The following C10orf71 variants were observed in gnomAD, a reference collection of about 807,000 sequenced individuals.
C10orf71 encodes the protein chromosome 10 open reading frame 71.
For synonymous variants in C10orf71, 758 were observed against 726.3 expected (o/e 1.04, Z -0.70); for missense variants, 1,869 against 1,804.5 (o/e 1.04, Z -0.65).
rs1160580203 is a variant in C10orf71 at position 49,324,316 on chromosome 10, CTT to C, written c.1772_1773del (p.Leu591GlnfsTer19). ...SEPSADSYLT[L>X]STAPTIAKAP... Reference sequence around the variant, plus strand: ...GCCCTCTGCAGACAGCTATCTAACTCTTAGCACAGCTCCGACTATCGCCAAAG... The same window carrying C: ...GCCCTCTGCAGACAGCTATCTAACTCAGCACAGCTCCGACTATCGCCAAAG... On this transcript the variant is annotated frameshift_variant, in exon 3 of 3. Coordinates refer to ENST00000374144, the MANE Select transcript of C10orf71 (RefSeq NM_001135196.2). LOFTEE classifies it low-confidence loss of function (END_TRUNC). 1.9e-6 allele frequency: 3 copies of C among 1,613,838 alleles called. No individual in the cohort carries two copies. Among genetic ancestry groups the C allele is most frequent in the Non-Finnish European group, 2.5e-6 (3 of 1,179,896 alleles).
chr10:49,326,924 AACACACACACACAC>A lies in C10orf71; in HGVS notation c.*96_*109del. On this transcript the variant is annotated 3_prime_UTR_variant, in exon 3 of 3. Transcript: ENST00000374144. ...TACTTCCCCCTCCCCCAAAACAAGC[AACACACACACACAC>A]ACACACACACACACACACACACACG... 125 of 1,046,572 alleles carry A rather than the reference AACACACACACACAC, an allele frequency of 1.2e-4. No individual in the cohort carries two copies. Among genetic ancestry groups the A allele is most frequent in the Non-Finnish European group, 1.5e-4 (117 of 793,414 alleles). The allele number at this position is 1,046,572 out of a possible 1,614,324, so 64.8% of individuals were successfully genotyped here. A position where few individuals can be genotyped will look rare whatever the true frequency, so the allele number is the denominator to read the frequency against.
chr10:49,325,281 C>A lies in C10orf71; in HGVS notation c.2736C>A (p.Asp912Glu), dbSNP rs1849202526. 6.4e-7 allele frequency: 1 copy of A among 1,551,660 alleles called. No homozygotes were observed. The highest frequency in any genetic ancestry group is 2.0e-5 in the Admixed American group (1 of 50,990). Residue 912 changes from aspartate (D) to glutamate (E), a missense_variant, in exon 3 of 3, where the codon GAC becomes GAA. Asp to Glu is a conservative substitution (Grantham distance 45). Coordinates refer to ENST00000374144, the MANE Select transcript of C10orf71 (RefSeq NM_001135196.2). The stretch of plus-strand genomic sequence containing the variant: ...GGTTTTGTGCCCCCGAAAACCAGGA[C>A]ATTCTTGGTACATCGACACCCACTA... ...DPGFCAPENQDILGTSTPTNT... is the reference protein window; with the variant it reads ...DPGFCAPENQEILGTSTPTNT...
rs759555446 is a variant in C10orf71, at chr10:49,316,168, T to A, written c.-224T>A. ...AGATGGGCAGTGATGACACCAAATATAAGCATAAAAAGACGTTTTAAAACT... is the reference window on the plus strand; with the variant it reads ...AGATGGGCAGTGATGACACCAAATAAAAGCATAAAAAGACGTTTTAAAACT... On this transcript the variant is annotated 5_prime_UTR_variant, in exon 2 of 3. An upstream open reading frame in the 5' UTR gains an earlier in-frame stop. Transcript: ENST00000374144. The A allele has an allele frequency of 5.9e-5, 9 of 152,178 alleles. No homozygotes were observed. The highest frequency in any genetic ancestry group is 1.3e-4 in the Non-Finnish European group (9 of 68,022). 9.4% of individuals were successfully genotyped at this position (152,178 alleles called of 1,614,324 possible). A position where few individuals can be genotyped will look rare whatever the true frequency, so the allele number is the denominator to read the frequency against.
chr10:49,321,425 G>A (rs1026231499), intron 2 of C10orf71, among the ~76,000 whole-genome samples: 2 of 152,080 alleles, frequency 1.3e-5, no homozygotes, highest in African/African-American at 4.8e-5. Flanking sequence ...TAATTCCATT[G>A]TATGCATATA....
chr10:49,300,007 G>C (rs2132392259), intron 1 of C10orf71, among the ~76,000 whole-genome samples: 1 of 152,360 alleles, frequency 6.6e-6, no homozygotes, highest in Middle Eastern at 3.4e-3. Flanking sequence ...CACAGGGTAT[G>C]CTTGACTGAG....
rs1168337155 is a variant in C10orf71, at chr10:49,326,055, A to G, written c.3510A>G (p.Pro1170=). 1.3e-6 allele frequency: 2 copies of G among 1,551,742 alleles called. No individual in the cohort carries two copies. Among genetic ancestry groups the G allele is most frequent in the Non-Finnish European group, 1.7e-6 (2 of 1,146,990 alleles). ...AGCTAGAGAGGACAGCAAGCAAGCC[A>G]CCTGCAGTCCCACCCAAAACAGAGA... ...PAQLERTASK[P]PAVPPKTEKA... is the part of the protein sequence containing the mutation. Residue 1170 remains proline, a synonymous_variant, in exon 3 of 3, where the codon CCA becomes CCG. Coordinates refer to ENST00000374144, the MANE Select transcript of C10orf71 (RefSeq NM_001135196.2).
At chr10:49,306,880 C>T (rs2132404796) in intron 1 of C10orf71, among the ~76,000 whole-genome samples, 1 of 152,330 alleles carries the variant, frequency 6.6e-6, no homozygotes, top group South Asian at 2.1e-4. Context: ...TGTCCCTTCT[C>T]CAGCAGCTGG....
At chr10:49,309,433 C>G (rs1237609266) in intron 1 of C10orf71, among the ~76,000 whole-genome samples, 1 of 152,218 alleles carries the variant, frequency 6.6e-6, no homozygotes, top group African/African-American at 2.4e-5. Context: ...GAAGAGGGCC[C>G]TCACCAGAAA....
In C10orf71 at chr10:49,323,861, C is replaced by T. The variant is rs188950502; in HGVS notation, c.1316C>T (p.Pro439Leu). The change falls in exon 3 of 3, where the codon CCC becomes CTC. Residue 439 changes from proline (P) to leucine (L), a missense_variant. Pro to Leu is a moderately conservative substitution (Grantham distance 98, BLOSUM62 -3). Coordinates refer to ENST00000374144, the MANE Select transcript of C10orf71 (RefSeq NM_001135196.2). ...LPVEPNEHYD[P>L]PFNISKLLTP... is the part of the protein sequence containing the mutation. ...GTGGAACCCAATGAACATTATGATC[C>T]CCCCTTTAACATCAGTAAGCTCCTG... 3,182 of 1,613,366 alleles carry T rather than the reference C, an allele frequency of 2.0e-3. 6 individuals are homozygous for T. The highest frequency in any genetic ancestry group is 2.6e-3 in the Admixed American group (158 of 59,932).
rs74455070 is a variant in C10orf71, at chr10:49,306,759, G to A, written c.-248+7526G>A. Among the ~76,000 whole-genome samples the A allele has an allele frequency of 4.8e-3, 736 of 152,316 alleles. 8 individuals carry two copies. The highest frequency in any genetic ancestry group is 0.017 in the African/African-American group (700 of 41,558). ...CTCACATGCCATGTCCCTCAAGCAC[G>A]GTTGTACTCAGCAACCATGGCTAAA... On this transcript the variant is annotated intron_variant, in intron 1 of 2. Transcript: ENST00000374144.
upstream of C10orf71, among the ~76,000 whole-genome samples, chr10:49,298,083 C>T (rs898339571): frequency 6.6e-6 from 1 of 152,216 alleles, no homozygotes; most frequent in African/African-American, 2.4e-5. Context: ...GACCTGGGTC[C>T]CTGTGGCCCT....
intron 1 of C10orf71, among the ~76,000 whole-genome samples, chr10:49,314,482 G>A (rs192407481): frequency 6.6e-6 from 1 of 152,346 alleles, no homozygotes; most frequent in East Asian, 1.9e-4. Context: ...ATGGTTCAAA[G>A]TGGTAAGCAA....
In C10orf71 at chr10:49,326,118, G is replaced by A. The variant is rs1345579916; in HGVS notation, c.3573G>A (p.Arg1191=). ...LRRAKKLASK[R]RKTDQAQEKH... is the part of the protein sequence containing the mutation. ...GGGCAAAGAAGCTGGCAAGTAAGAG[G>A]AGGAAGACGGATCAGGCTCAGGAGA... The change falls in exon 3 of 3, where the codon AGG becomes AGA. Residue 1191 remains arginine (R), a synonymous_variant. Coordinates refer to ENST00000374144, the MANE Select transcript of C10orf71 (RefSeq NM_001135196.2). 6.4e-7 allele frequency: 1 copy of A among 1,551,606 alleles called. No homozygotes were observed. The highest frequency in any genetic ancestry group is 2.4e-5 in the East Asian group (1 of 40,926).
intron 1 of C10orf71, among the ~76,000 whole-genome samples, chr10:49,302,936 TCTC>T (rs1848753219): frequency 1.3e-5 from 2 of 152,152 alleles, no homozygotes; most frequent in South Asian, 4.1e-4. Context: ...ACCTCAGCTT[TCTC>T]CTCTGTAAAA....
At chr10:49,317,178 A>G (rs760157464) in intron 2 of C10orf71, among the ~76,000 whole-genome samples, 6 of 152,180 alleles carry the variant, frequency 3.9e-5, no homozygotes, top group Non-Finnish European at 8.8e-5. Flanking sequence ...ACAGGATCTC[A>G]GGATACAGAA....
Position 49,326,009 on chromosome 10 carries a change from G to A in C10orf71, c.3464G>A (p.Gly1155Glu). Residue 1155 changes from glycine to glutamate, a missense_variant, in exon 3 of 3, where the codon GGG becomes GAG. Gly to Glu is a moderately conservative substitution (Grantham distance 98). Coordinates refer to ENST00000374144, the MANE Select transcript of C10orf71 (RefSeq NM_001135196.2). ...GCCACCAGCCCAGCAGGCACCTCTG[G>A]GAGACTTGAGCTTCCTGCACAGCTA... Reference protein sequence around the residue: ...DVATSPAGTSGRLELPAQLER... With the variant: ...DVATSPAGTSERLELPAQLER... 6.4e-7 allele frequency: 1 copy of A among 1,551,686 alleles called. No individual in the cohort carries two copies. Among genetic ancestry groups the A allele is most frequent in the Non-Finnish European group, 8.7e-7 (1 of 1,146,998 alleles).
At position 49,323,337 on chromosome 10, in the gene C10orf71, A is replaced by C. The variant is rs1849137224; in HGVS notation, c.792A>C (p.Arg264Ser). ...HHKPVTGEPG[R>S]GKGTFLHSEN... Reference sequence around the variant, plus strand: ...AGCCAGTCACGGGTGAGCCTGGGAGAGGCAAAGGTACCTTTCTGCACAGTG... The same window carrying C: ...AGCCAGTCACGGGTGAGCCTGGGAGCGGCAAAGGTACCTTTCTGCACAGTG... The change falls in exon 3 of 3, where the codon AGA becomes AGC. Residue 264 changes from arginine to serine, a missense_variant. Coordinates refer to ENST00000374144, the MANE Select transcript of C10orf71 (RefSeq NM_001135196.2). 5.0e-6 allele frequency: 8 copies of C among 1,613,772 alleles called. No homozygotes were observed. The highest frequency in any genetic ancestry group is 6.8e-6 in the Non-Finnish European group (8 of 1,179,806).
At chr10:49,311,344 G>A (rs147661510) in intron 1 of C10orf71, among the ~76,000 whole-genome samples, 20 of 152,334 alleles carry the variant, frequency 1.3e-4, no homozygotes, top group Middle Eastern at 3.4e-3. Flanking sequence ...ATAGATCAGC[G>A]GAAGTTGGAC....
chr10:49,319,681 GCT>G (rs1491235145), intron 2 of C10orf71, among the ~76,000 whole-genome samples: 1 of 37,438 alleles, frequency 2.7e-5, no homozygotes, highest in African/African-American at 1.0e-4. Context: ...ACACACACAA[GCT>G]ATATATATAT....
Sources: gnomAD v4.1 joint callset for allele counts (sites outside exome capture counted in the v4.1 genomes callset) on GRCh38, gnomAD v4.1.1 for gene constraint, MANE v1.5 for transcripts, NCBI Gene and HGNC (gene_info 2026-07-23, HGNC 2026-07-21) for gene names.